Variants in AK9 observed in about 807,000 individuals in gnomAD.
The protein encoded by AK9 is adenylate kinase 9.
AK9 carries 191 observed loss-of-function variants against 239.6 expected under a neutral mutation model. The ratio of observed to expected loss-of-function variants is 0.80; its 90% CI spans 0.71 to 0.90. The LOEUF is 0.90. Among genes scored for constraint, AK9 ranks in the 40% least tolerant of loss-of-function variants. The pLI is 0.00. For synonymous variants in AK9, 689 were observed against 721.0 expected, an observed-to-expected ratio of 0.96 and a Z score of 0.71; for missense variants, 1,995 against 2,214.7, an observed-to-expected ratio of 0.90 and a Z score of 1.99.
Position 109,497,504 on chromosome 6 carries a change from T to C in AK9, c.5276A>G (p.Tyr1759Cys), listed in dbSNP as rs1311030881. 3 of 1,608,312 alleles carry C rather than the reference T, an allele frequency of 1.9e-6. No individual in the cohort carries two copies. Among genetic ancestry groups the C allele is most frequent in the South Asian group, 2.2e-5 (2 of 90,876 alleles). ...GAGTTTTTCTTTGTTCTCACAAATA[T>C]ATATACGATTATGATATTCTAAAGC... ...NYALEYHNRI[Y>C]ICENKEKLQK... Residue 1759 changes from tyrosine to cysteine, a missense_variant, in exon 38 of 41, where the codon TAT becomes TGT. Coordinates refer to ENST00000424296, the MANE Select transcript of AK9 (RefSeq NM_001145128.3).
intron 17 of AK9, among the ~76,000 whole-genome samples, chr6:109,586,389 CAGACCCTGTCT>C (rs1219908546): frequency 6.6e-6 from 1 of 152,130 alleles, no homozygotes; most frequent in Non-Finnish European, 1.5e-5. Flanking sequence ...GCACCAGTGT[CAGACCCTGTCT>C]CTAATGAGAC....
intron 1 of AK9, among the ~76,000 whole-genome samples, chr6:109,689,071 C>T (rs886617509): frequency 6.6e-6 from 1 of 152,142 alleles, no homozygotes; most frequent in Non-Finnish European, 1.5e-5. Context: ...CAAACACAGA[C>T]CAGCAGAAGT....
At chr6:109,546,253 A>G (rs1783558645) in intron 25 of AK9, 126 bp from the exon 26 acceptor site, 3 of 815,910 alleles carry the variant, frequency 3.7e-6, no homozygotes, top group Non-Finnish European at 1.9e-6. Flanking sequence ...GAATGATCAC[A>G]TCATGAACTC....
chr6:109,665,027 G>A lies in AK9; in HGVS notation c.332-2364C>T, dbSNP rs980047345. Reference sequence around the variant, plus strand: ...TGCACTCCAGCCTGGGCAACAGAGCGAGACTCCGTCTCAAAAAAAATAAAG... The same window carrying A: ...TGCACTCCAGCCTGGGCAACAGAGCAAGACTCCGTCTCAAAAAAAATAAAG... On this transcript the variant is annotated intron_variant, in intron 5 of 40. Coordinates refer to ENST00000424296, the MANE Select transcript of AK9 (RefSeq NM_001145128.3). 5.0e-4 allele frequency among the ~76,000 whole-genome samples: 76 copies of A among 152,132 alleles called. 1 individual carries two copies. The highest frequency in any genetic ancestry group is 6.8e-3 in the Middle Eastern group (2 of 294).
intron 19 of AK9, among the ~76,000 whole-genome samples, chr6:109,580,212 CATA>C (rs1374920855): frequency 6.6e-6 from 1 of 151,800 alleles, no homozygotes; most frequent in Admixed American, 6.6e-5. Flanking sequence ...TTATTTTTAA[CATA>C]GTAGTGATGA....
intron 12 of AK9, among the ~76,000 whole-genome samples, chr6:109,628,538 G>C (rs374148305): frequency 6.6e-6 from 1 of 152,170 alleles, no homozygotes; most frequent in African/African-American, 2.4e-5. Context: ...TTAGTTCACT[G>C]TCATGGCTGG....
At chr6:109,598,509 T>A (rs946087758) in intron 17 of AK9, among the ~76,000 whole-genome samples, 4 of 152,300 alleles carry the variant, frequency 2.6e-5, no homozygotes, top group African/African-American at 9.6e-5. Context: ...GTCTTTGCTA[T>A]TGTGAATAGT....
At chr6:109,625,236 T>A (rs1203102162) in intron 12 of AK9, among the ~76,000 whole-genome samples, 1 of 152,192 alleles carries the variant, frequency 6.6e-6, no homozygotes, top group Non-Finnish European at 1.5e-5. Context: ...TCCGAAAATG[T>A]CTTTGTGTTA....
chr6:109,515,103 T>C (rs1372308213), intron 31 of AK9, among the ~76,000 whole-genome samples: 2 of 152,232 alleles, frequency 1.3e-5, no homozygotes, highest in African/African-American at 4.8e-5. Context: ...CTTGAACTTT[T>C]AGCCTTTAGA....
At chr6:109,510,822 C>G (rs1449520047) in intron 32 of AK9, among the ~76,000 whole-genome samples, 3 of 152,154 alleles carry the variant, frequency 2.0e-5, no homozygotes, top group African/African-American at 7.2e-5. Context: ...AACAGTAGTA[C>G]CCAATAGATA....
chr6:109,498,893 G>A, intron 36 of AK9, 151 bp downstream of exon 36: 1 of 573,118 alleles, frequency 1.7e-6, no homozygotes, highest in Non-Finnish European at 2.9e-6. Context: ...GGAACTCACT[G>A]CTGAGTTGCT....
chr6:109,602,659 T>C (rs1370799225), intron 17 of AK9, among the ~76,000 whole-genome samples: 1 of 152,204 alleles, frequency 6.6e-6, no homozygotes, highest in African/African-American at 2.4e-5. Flanking sequence ...GATAATATCC[T>C]GCAGTGTTTT....
At chr6:109,642,097 C>T (rs1000159011) in intron 9 of AK9, among the ~76,000 whole-genome samples, 2 of 152,044 alleles carry the variant, frequency 1.3e-5, no homozygotes, top group African/African-American at 2.4e-5. Context: ...CAAGAAATGC[C>T]GGGAGCTACC....
At chr6:109,575,339 C>G (rs953519248) in intron 20 of AK9, among the ~76,000 whole-genome samples, 2 of 152,056 alleles carry the variant, frequency 1.3e-5, no homozygotes, top group Non-Finnish European at 2.9e-5. Flanking sequence ...ATGCCAACAT[C>G]TATTATTTTT....
intron 17 of AK9, among the ~76,000 whole-genome samples, chr6:109,599,673 C>T (rs1403486095): frequency 6.6e-6 from 1 of 152,104 alleles, no homozygotes; most frequent in African/African-American, 2.4e-5. Flanking sequence ...GGCAGTATGG[C>T]CATTTTCACG....
Position 109,499,259 on chromosome 6 carries a change from C to T in AK9, c.4850-19G>A. The stretch of plus-strand genomic sequence containing the variant: ...GCTTTTCCTATTATTAACATATTAA[C>T]TATTATCATGTATATATTTTTCATA... On this transcript the variant is annotated intron_variant, in intron 35 of 40. Transcript: ENST00000424296. 6.9e-7 allele frequency: 1 copy of T among 1,440,866 alleles called. No individual in the cohort carries two copies. Among genetic ancestry groups the T allele is most frequent in the South Asian group, 1.6e-5 (1 of 62,698 alleles). 89.3% of individuals were successfully genotyped at this position (1,440,866 alleles called of 1,614,324 possible). A position where few individuals can be genotyped will look rare whatever the true frequency, so the allele number is the denominator to read the frequency against.
intron 27 of AK9, among the ~76,000 whole-genome samples, chr6:109,533,932 G>A (rs1781613637): frequency 6.6e-6 from 1 of 152,072 alleles, no homozygotes; most frequent in Admixed American, 6.6e-5. Context: ...AATGAATGTG[G>A]TATTCTTTAT....
In AK9 at chr6:109,544,964, T is replaced by C. The variant is rs74720611; in HGVS notation, c.3225+903A>G. 7.5e-3 allele frequency among the ~76,000 whole-genome samples: 1,150 copies of C among 152,360 alleles called. 16 individuals are homozygous for C. The highest frequency in any genetic ancestry group is 0.026 in the African/African-American group (1,088 of 41,592). Reference sequence around the variant, plus strand: ...TCAAGGAAAATTTTTCTGAATTTTTTTGGAGTCATATAAAACTCAGTACTT... The same window carrying C: ...TCAAGGAAAATTTTTCTGAATTTTTCTGGAGTCATATAAAACTCAGTACTT... On this transcript the variant is annotated intron_variant, in intron 26 of 40. Transcript: ENST00000424296.
At chr6:109,556,867 T>A (rs1310949618) in intron 24 of AK9, among the ~76,000 whole-genome samples, 2 of 152,018 alleles carry the variant, frequency 1.3e-5, no homozygotes, top group Non-Finnish European at 2.9e-5. Flanking sequence ...AGGTCATTTA[T>A]GTTCCTCTCT....
Sources: allele counts gnomAD v4.1 joint callset (sites outside exome capture counted in the v4.1 genomes callset), GRCh38; gene constraint gnomAD v4.1.1; transcripts MANE v1.5; gene names NCBI Gene and HGNC (gene_info 2026-07-23, HGNC 2026-07-21).